MBP: variants seen among roughly 807,000 people sequenced by gnomAD.
MBP encodes the protein Golli-MBP.
Under a neutral mutation model 35.8 loss-of-function variants are expected in MBP, and 16 were observed. The ratio of observed to expected loss-of-function variants is 0.45; its 90% CI spans 0.30 to 0.68. The LOEUF (loss-of-function observed/expected upper bound fraction) is 0.68. Ranked by LOEUF, MBP falls within the 30% of genes least tolerant of loss-of-function variation. The probability of loss-of-function intolerance (pLI) is 0.08; values close to 1 mark genes in which losing one functional copy is unlikely to be tolerated. For missense variants in MBP, 380 were observed against 404.7 expected, an observed-to-expected ratio of 0.94 and a Z score of 0.52; for synonymous variants, 143 against 159.6, an observed-to-expected ratio of 0.90 and a Z score of 0.78.
At chr18:77,089,110 C>G (rs1975397680) in intron 2 of MBP, among the ~76,000 whole-genome samples, 1 of 152,250 alleles carries the variant, frequency 6.6e-6, no homozygotes, top group Non-Finnish European at 1.5e-5. Flanking sequence ...AGGGCACCTG[C>G]CTTCTTCATA....
intron 1 of MBP, among the ~76,000 whole-genome samples, chr18:77,130,273 C>T (rs1977196750): frequency 6.6e-6 from 1 of 152,024 alleles, no homozygotes; most frequent in Non-Finnish European, 1.5e-5. Flanking sequence ...TGCAAGGCAT[C>T]CTTCTCACCA....
chr18:77,080,397 T>C (rs1974842828), intron 2 of MBP, among the ~76,000 whole-genome samples: 1 of 152,254 alleles, frequency 6.6e-6, no homozygotes. Flanking sequence ...GCTCCTCACC[T>C]GGGGCCCTGC....
intron 3 of MBP, among the ~76,000 whole-genome samples, chr18:77,062,884 C>T (rs1432764448): frequency 6.6e-6 from 1 of 152,210 alleles, no homozygotes; most frequent in Non-Finnish European, 1.5e-5. Flanking sequence ...TATGCGTGTC[C>T]TGCAGAGTGG....
intron 3 of MBP, among the ~76,000 whole-genome samples, chr18:77,062,003 C>T (rs1298585583): frequency 2.0e-5 from 3 of 152,166 alleles, no homozygotes; most frequent in Admixed American, 6.5e-5. Context: ...GGGCTGGTGA[C>T]GTTTTCACGG....
intron 3 of MBP, among the ~76,000 whole-genome samples, chr18:77,061,105 A>G (rs1179472004): frequency 6.6e-6 from 1 of 151,930 alleles, no homozygotes; most frequent in Non-Finnish European, 1.5e-5. Flanking sequence ...TCTGTGGATC[A>G]TAGCAGGTCC....
At position 77,131,657 on chromosome 18, in the gene MBP, CG is replaced by C. The variant is rs997425936; in HGVS notation, c.-26+922del. ...CCAAGCCCCACTCCACCTTCCAAAACGGGGGGGCTCAGGTGGACGCGAAAGG... is the reference window on the plus strand; with the variant it reads ...CCAAGCCCCACTCCACCTTCCAAAACGGGGGGCTCAGGTGGACGCGAAAGG... On this transcript the variant is annotated intron_variant, in intron 1 of 8. Transcript: ENST00000355994. This position sits in a 1 kb window ranked among gnomAD's most constrained non-coding sequence, Gnocchi z 5.5. 5 of 151,898 alleles carry C rather than the reference CG, an allele frequency of 3.3e-5. No homozygotes were observed. Among genetic ancestry groups the C allele is most frequent in the East Asian group, 1.9e-4 (1 of 5,180 alleles). 9.4% of individuals were successfully genotyped at this position (151,898 alleles called of 1,614,324 possible). A position where few individuals can be genotyped will look rare whatever the true frequency, so the allele number is the denominator to read the frequency against.
In MBP at chr18:77,131,025, C is replaced by CAAAAA. The variant is rs56844180; in HGVS notation, c.-26+1550_-26+1554dup. The stretch of plus-strand genomic sequence containing the variant: ...TTCCCTCAGATTTCTGTTTTTCCCA[C>CAAAAA]AAAAAAAAAAAAAAAACAAAACCTC... On this transcript the variant is annotated intron_variant, in intron 1 of 8. Coordinates refer to ENST00000355994, the MANE Select transcript of MBP (RefSeq NM_001025101.2). The surrounding 1 kb of genome is among the most constrained non-coding windows in gnomAD (Gnocchi z 5.5). Among the ~76,000 whole-genome samples the CAAAAA allele has an allele frequency of 7.7e-6, 1 of 130,084 alleles. No homozygotes were observed. Among genetic ancestry groups the CAAAAA allele is most frequent in the African/African-American group, 2.9e-5 (1 of 34,182 alleles). The allele number at this position is 130,084 out of a possible 152,430, so 85.3% of individuals were successfully genotyped here. A position where few individuals can be genotyped will look rare whatever the true frequency, so the allele number is the denominator to read the frequency against.
chr18:77,085,402 ATC>A (rs778510551), intron 2 of MBP, among the ~76,000 whole-genome samples: 3 of 152,190 alleles, frequency 2.0e-5, no homozygotes, highest in African/African-American at 4.8e-5. Context: ...CAATCTTCTT[ATC>A]TCTTTAGTTT....
chr18:77,040,146 C>T (rs1972932612), intron 3 of MBP, among the ~76,000 whole-genome samples: 1 of 152,226 alleles, frequency 6.6e-6, no homozygotes, highest in African/African-American at 2.4e-5. Context: ...AGTCTCTTCT[C>T]ATATTATCTT....
rs532905348 is a variant in MBP at position 77,100,076 on chromosome 18, G to A, written c.51+5135C>T. ...AACTGTGATCCTCCTGAATCTATAC[G>A]TGGATGTCCTAAACCTCACTGCCTC... On this transcript the variant is annotated intron_variant, in intron 2 of 8. Coordinates refer to ENST00000355994, the MANE Select transcript of MBP (RefSeq NM_001025101.2). Among the ~76,000 whole-genome samples the A allele has an allele frequency of 9.8e-5, 15 of 152,310 alleles. No individual in the cohort carries two copies. The South Asian group carries it at 1.7e-3, about 17-fold the overall frequency.
chr18:77,105,241 T>C lies in MBP; in HGVS notation c.21A>G (p.Lys7=), dbSNP rs1976227016. The change falls in exon 2 of 9, where the codon AAA becomes AAG. Residue 7 remains lysine, a synonymous_variant. Coordinates refer to ENST00000355994, the MANE Select transcript of MBP (RefSeq NM_001025101.2). ...TGGCCTTCTCGGCATTTAATTCTCGTTTGCCTGCGTGGTTTCCCATCCTGA... is the reference window on the plus strand; with the variant it reads ...TGGCCTTCTCGGCATTTAATTCTCGCTTGCCTGCGTGGTTTCCCATCCTGA... MGNHAG[K]RELNAEKAST... 1 of 1,612,546 alleles carries C rather than the reference T, an allele frequency of 6.2e-7. No individual in the cohort carries two copies. Among genetic ancestry groups the C allele is most frequent in the African/African-American group, 1.3e-5 (1 of 74,856 alleles).
At chr18:77,058,181 C>A (rs1158433662) in intron 3 of MBP, among the ~76,000 whole-genome samples, 1 of 152,122 alleles carries the variant, frequency 6.6e-6, no homozygotes, top group East Asian at 1.9e-4. Flanking sequence ...AGGGACCCTC[C>A]GGGGAGAAGA....
Position 77,016,878 on chromosome 18 carries a change from C to T in MBP, c.530G>A (p.Arg177His), listed in dbSNP as rs779353840. The change falls in exon 4 of 9, where the codon CGC (arginine) becomes CAC (histidine). Residue 177 changes from arginine (R) to histidine (H), a missense_variant. Transcript: ENST00000355994. ...RDTGILDSIG[R>H]FFGGDRGAPK... Reference sequence around the variant, plus strand: ...CGCACCCCTGTCACCGCCAAAGAAGCGCCCGATGGAGTCAAGGATGCCCGT... The same window carrying T: ...CGCACCCCTGTCACCGCCAAAGAAGTGCCCGATGGAGTCAAGGATGCCCGT... 2 of 1,614,256 alleles carry T rather than the reference C, an allele frequency of 1.2e-6. No individual in the cohort carries two copies. Among genetic ancestry groups the T allele is most frequent in the East Asian group, 2.2e-5 (1 of 44,882 alleles).
intron 2 of MBP, among the ~76,000 whole-genome samples, chr18:77,085,149 T>C (rs1975170000): frequency 6.6e-6 from 1 of 152,202 alleles, no homozygotes; most frequent in Non-Finnish European, 1.5e-5. Context: ...AATACTCCAA[T>C]CTTCTTAATT....
rs1416920532 is a variant in MBP at position 77,101,232 on chromosome 18, G to A, written c.51+3979C>T. On this transcript the variant is annotated intron_variant, in intron 2 of 8. Transcript: ENST00000355994. This position sits in a 1 kb window ranked among gnomAD's most constrained non-coding sequence, Gnocchi z 4.3. ...TGAGGCACGTCCCTGGGTTCTCCAG[G>A]GCAGCTGGCACCCTTTCCTTCTTGG... is the stretch of plus-strand genomic sequence containing the variant. Among the ~76,000 whole-genome samples, 1 of 152,190 alleles carries A rather than the reference G, an allele frequency of 6.6e-6. No individual in the cohort carries two copies. The highest frequency in any genetic ancestry group is 1.5e-5 in the Non-Finnish European group (1 of 68,026).
Position 76,979,960 on chromosome 18 carries a change from G to A in MBP, c.*467C>T. On this transcript the variant is annotated 3_prime_UTR_variant, in exon 9 of 9. Transcript: ENST00000355994. The stretch of plus-strand genomic sequence containing the variant: ...TACTTTAGGAGGTGAGAGAAGGACA[G>A]GAAAAAAAAACAAAGGAAGCTTGGA... The A allele has an allele frequency of 1.4e-6, 1 of 702,306 alleles. No individual in the cohort carries two copies. Among genetic ancestry groups the A allele is most frequent in the Admixed American group, 2.0e-5 (1 of 50,002 alleles). 43.5% of individuals were successfully genotyped at this position (702,306 alleles called of 1,614,324 possible).
chr18:77,043,696 C>A (rs1012969617), intron 3 of MBP, among the ~76,000 whole-genome samples: 6 of 152,200 alleles, frequency 3.9e-5, no homozygotes, highest in Non-Finnish European at 8.8e-5. Flanking sequence ...TGCGTGCGTG[C>A]CCCGCACCCC....
chr18:77,011,807 A>G (rs1394094907), intron 4 of MBP, among the ~76,000 whole-genome samples: 1 of 152,268 alleles, frequency 6.6e-6, no homozygotes, highest in Admixed American at 6.5e-5. Context: ...TGATAGCCAT[A>G]AAGGAAAAAA....
chr18:77,035,835 A>T (rs890865132), intron 3 of MBP, among the ~76,000 whole-genome samples: 1 of 152,260 alleles, frequency 6.6e-6, no homozygotes, highest in African/African-American at 2.4e-5. Flanking sequence ...TCCTGCAAAC[A>T]TTACTGCTTA....
Sources: gnomAD v4.1 joint callset for allele counts (sites outside exome capture counted in the v4.1 genomes callset) on GRCh38, gnomAD v4.1.1 for gene constraint, Gnocchi (gnomAD v3.1) non-coding constraint, MANE v1.5 for transcripts, NCBI Gene and HGNC (gene_info 2026-07-23, HGNC 2026-07-21) for gene names.